The following SAMMSON variants were observed in gnomAD, a reference collection of about 807,000 sequenced individuals.
SAMMSON encodes long intergenic non-protein coding RNA 1212.
intron 7 of SAMMSON, among the ~76,000 whole-genome samples, chr3:70,322,479 T>C (rs2106717701): frequency 6.6e-6 from 1 of 152,276 alleles, no homozygotes; most frequent in East Asian, 1.9e-4. Flanking sequence ...CCATGCTTTC[T>C]TTCGTCCAGT....
intron 4 of SAMMSON, among the ~76,000 whole-genome samples, chr3:70,179,418 C>G (rs1052654464): frequency 6.6e-6 from 1 of 152,216 alleles, no homozygotes; most frequent in Non-Finnish European, 1.5e-5. Flanking sequence ...CTAAGACAGA[C>G]AGGAGCAGAG....
intron 4 of SAMMSON, among the ~76,000 whole-genome samples, chr3:70,086,259 C>T (rs2067285290): frequency 6.6e-6 from 1 of 152,198 alleles, no homozygotes; most frequent in Admixed American, 6.5e-5. Context: ...CCTGATAGCT[C>T]TACTTTGTGG....
chr3:70,125,911 T>C (rs1260182797), intron 4 of SAMMSON: 3 of 704,818 alleles, frequency 4.3e-6, no homozygotes, highest in Non-Finnish European at 7.7e-6. Context: ...TAATTCCTCA[T>C]CGTCTTCTGG....
At chr3:70,035,734 G>A (rs1266208059) in intron 3 of SAMMSON, among the ~76,000 whole-genome samples, 1 of 152,106 alleles carries the variant, frequency 6.6e-6, no homozygotes, top group African/African-American at 2.4e-5. Context: ...GATGATAGCG[G>A]GAAAGGAAGG....
Position 70,190,842 on chromosome 3 carries a change from C to G in SAMMSON, n.508-58265C>G, listed in dbSNP as rs141956087. On this transcript the variant is annotated intron_variant and non_coding_transcript_variant, in intron 4 of 9. Coordinates refer to ENST00000642114, the Ensembl canonical transcript of SAMMSON. ...TCCCAGGGGCAGTTTTACAAACTCA[C>G]TTTATGTGCCAGGTGGTTTACTGCC... Among the ~76,000 whole-genome samples the G allele has an allele frequency of 5.2e-4, 79 of 152,274 alleles. No individual in the cohort carries two copies. The South Asian group carries it at 5.8e-3, about 11-fold the overall frequency.
intron 7 of SAMMSON, among the ~76,000 whole-genome samples, chr3:70,333,177 G>A (rs1575627574): frequency 6.6e-6 from 1 of 151,338 alleles, no homozygotes. Context: ...TTCCCCACTC[G>A]TTCTTCCTTG....
At chr3:70,034,265 A>G (rs1421568681) in intron 3 of SAMMSON, among the ~76,000 whole-genome samples, 1 of 152,208 alleles carries the variant, frequency 6.6e-6, no homozygotes, top group African/African-American at 2.4e-5. Flanking sequence ...ACAAAGTTGC[A>G]CGATATTGCT....
In SAMMSON at chr3:70,402,123, T is replaced by G. The variant is rs9854921; in HGVS notation, n.233+43799T>G. On this transcript the variant is annotated intron_variant and non_coding_transcript_variant, in intron 2 of 3. Coordinates refer to the SAMMSON transcript ENST00000641053. ...TCAAATCTGTTCTGTAGAGTTAAAA[T>G]GTATATTGACATAGAAAGCCTTCTA... 5.1e-3 allele frequency among the ~76,000 whole-genome samples: 779 copies of G among 152,344 alleles called. 5 individuals carry two copies. Among genetic ancestry groups the G allele is most frequent in the African/African-American group, 0.018 (751 of 41,584 alleles).
intron 7 of SAMMSON, among the ~76,000 whole-genome samples, chr3:70,343,726 C>T (rs1052574872): frequency 6.6e-6 from 1 of 151,914 alleles, no homozygotes; most frequent in Admixed American, 6.6e-5. Flanking sequence ...CTATGCCCAG[C>T]CTACTCTTGA....
At chr3:70,091,348 A>G (rs1294585569) in intron 4 of SAMMSON, among the ~76,000 whole-genome samples, 1 of 152,158 alleles carries the variant, frequency 6.6e-6, no homozygotes, top group African/African-American at 2.4e-5. Flanking sequence ...GCTCAACCAT[A>G]GAGATTTCCA....
chr3:70,195,327 C>T (rs1337238808), intron 4 of SAMMSON, among the ~76,000 whole-genome samples: 1 of 152,136 alleles, frequency 6.6e-6, no homozygotes, highest in Admixed American at 6.5e-5. Context: ...CACTTTCATG[C>T]TCCGTGGTTT....
intron 7 of SAMMSON, among the ~76,000 whole-genome samples, chr3:70,352,432 G>A (rs1702800678): frequency 6.6e-6 from 1 of 152,098 alleles, no homozygotes; most frequent in African/African-American, 2.4e-5. Context: ...CTATAGGAAT[G>A]AAGGAAAAAT....
intron 7 of SAMMSON, among the ~76,000 whole-genome samples, chr3:70,304,496 C>T (rs1465382106): frequency 6.6e-6 from 1 of 152,280 alleles, no homozygotes; most frequent in East Asian, 1.9e-4. Flanking sequence ...GCCAATTTCT[C>T]TCTCTCACTT....
intron 3 of SAMMSON, among the ~76,000 whole-genome samples, chr3:70,049,739 G>A (rs1304040006): frequency 2.0e-5 from 3 of 151,958 alleles, no homozygotes; most frequent in Admixed American, 6.6e-5. Context: ...GGGATTTTTT[G>A]TTGCTGTTGC....
intron 9 of SAMMSON, among the ~76,000 whole-genome samples, chr3:70,388,061 T>C (rs1050118682): frequency 4.6e-5 from 7 of 152,122 alleles, no homozygotes; most frequent in Non-Finnish European, 1.0e-4. Context: ...TTTTGACACG[T>C]TGGTCAACAA....
At chr3:70,157,124 A>G (rs1276780002) in intron 4 of SAMMSON, among the ~76,000 whole-genome samples, 1 of 152,102 alleles carries the variant, frequency 6.6e-6, no homozygotes, top group African/African-American at 2.4e-5. Flanking sequence ...CTTTACAAAT[A>G]CCTTAATATG....
intron 3 of SAMMSON, among the ~76,000 whole-genome samples, chr3:70,021,842 A>G (rs772968581): frequency 2.0e-5 from 3 of 152,212 alleles, no homozygotes; most frequent in Non-Finnish European, 4.4e-5. Flanking sequence ...ACTAGCTTGC[A>G]GCTGAGACTT....
intron 4 of SAMMSON, among the ~76,000 whole-genome samples, chr3:70,241,487 A>G (rs1226526491): frequency 1.3e-5 from 2 of 152,146 alleles, no homozygotes; most frequent in Non-Finnish European, 2.9e-5. Flanking sequence ...ATGTAATGGG[A>G]GGTATGGTAG....
upstream of SAMMSON, chr3:69,999,642 T>A (rs543162065): frequency 1.4e-4 from 21 of 152,298 alleles, no homozygotes; most frequent in African/African-American, 5.1e-4. Flanking sequence ...CGCTCCTGCT[T>A]TCCCGCCCAA....
Sources: allele counts gnomAD v4.1 joint callset (sites outside exome capture counted in the v4.1 genomes callset), GRCh38; gene constraint gnomAD v4.1.1; transcripts MANE v1.5; gene names NCBI Gene and HGNC (gene_info 2026-07-23, HGNC 2026-07-21).